CTNNA3: variants seen among roughly 807,000 people sequenced by gnomAD.
The protein encoded by CTNNA3 is catenin alpha-3.
CTNNA3 carries 76 observed loss-of-function variants against 95.7 expected under a neutral mutation model. That is an observed-to-expected ratio of 0.79 (90% CI 0.66 to 0.96). CTNNA3 has a LOEUF of 0.96. Among genes scored for constraint, CTNNA3 ranks in the 40% least tolerant of loss-of-function variants. The pLI is 0.00. For synonymous variants in CTNNA3, 431 were observed against 374.4 expected, an observed-to-expected ratio of 1.15 and a Z score of -1.74; for missense variants, 1,191 against 1,089.8, an observed-to-expected ratio of 1.09 and a Z score of -1.31.
At chr10:66,155,631 G>C (rs1197276612) in intron 13 of CTNNA3, among the ~76,000 whole-genome samples, 1 of 151,636 alleles carries the variant, frequency 6.6e-6, no homozygotes, top group Non-Finnish European at 1.5e-5. Flanking sequence ...CATTGCACTA[G>C]GTCAAGTGGA....
intron 13 of CTNNA3, among the ~76,000 whole-genome samples, chr10:66,148,404 T>A (rs1404968088): frequency 3.9e-5 from 6 of 152,022 alleles, no homozygotes. Context: ...CGAAAATTCA[T>A]GTTGAAATCT....
At position 66,589,512 on chromosome 10, in the gene CTNNA3, C is replaced by G. The variant is rs2132224373; in HGVS notation, c.1374+32180G>C. On this transcript the variant is annotated intron_variant, in intron 10 of 17. Transcript: ENST00000433211. ...ACTATAAACACCCATGGTTGTTCCT[C>G]TACATATCATTGTGCATCAACATCA... 1.3e-5 allele frequency among the ~76,000 whole-genome samples: 2 copies of G among 152,212 alleles called. 1 individual carries two copies. Among genetic ancestry groups the G allele is most frequent in the South Asian group, 4.1e-4 (2 of 4,824 alleles).
At chr10:66,978,631 T>G (rs1454052659) in intron 7 of CTNNA3, among the ~76,000 whole-genome samples, 1 of 146,782 alleles carries the variant, frequency 6.8e-6, no homozygotes, top group Non-Finnish European at 1.5e-5. Flanking sequence ...CTTACCACAG[T>G]TTTTAAAAAG....
chr10:66,566,669 T>G (rs1333857345), intron 10 of CTNNA3, among the ~76,000 whole-genome samples: 1 of 152,032 alleles, frequency 6.6e-6, no homozygotes, highest in Non-Finnish European at 1.5e-5. Flanking sequence ...CTTGTCCTCT[T>G]CATGCTCCAA....
intron 13 of CTNNA3, among the ~76,000 whole-genome samples, chr10:66,161,524 G>T (rs1037523542): frequency 6.6e-6 from 1 of 152,144 alleles, no homozygotes; most frequent in Admixed American, 6.6e-5. Flanking sequence ...TGAAGATAGG[G>T]CCCCAATCCT....
At chr10:66,669,490 C>T (rs895488605) in intron 9 of CTNNA3, among the ~76,000 whole-genome samples, 4 of 150,268 alleles carry the variant, frequency 2.7e-5, no homozygotes, top group African/African-American at 7.4e-5. Context: ...TGCAGTGAGC[C>T]GAGATCACAC....
At chr10:66,707,443 C>T (rs1041540742) in intron 9 of CTNNA3, among the ~76,000 whole-genome samples, 8 of 151,824 alleles carry the variant, frequency 5.3e-5, no homozygotes, top group African/African-American at 1.9e-4. Context: ...TCTTTGAGGG[C>T]AGGGCTCCCT....
At chr10:66,237,032 G>C (rs946371642) in intron 13 of CTNNA3, among the ~76,000 whole-genome samples, 2 of 152,096 alleles carry the variant, frequency 1.3e-5, no homozygotes, top group African/African-American at 4.8e-5. Context: ...AGGAAGCTAA[G>C]GCAAGAGGAT....
In CTNNA3 at chr10:66,346,266, GAGAGAGAGAGAGAGAGAGAGAA is replaced by G. The variant is rs1434227797; in HGVS notation, c.1732+32864_1732+32885del. Among the ~76,000 whole-genome samples the G allele has an allele frequency of 1.0e-3, 124 of 119,040 alleles. 1 individual carries two copies. Among genetic ancestry groups the G allele is most frequent in the Middle Eastern group, 4.7e-3 (1 of 212 alleles). 78.1% of individuals were successfully genotyped at this position (119,040 alleles called of 152,430 possible). ...ATATATAGAGAGAGAGAGAGAGAGA[GAGAGAGAGAGAGAGAGAGAGAA>G]AGAGAGACAGAGACAGAGTCTTGCC... On this transcript the variant is annotated intron_variant, in intron 12 of 17. Coordinates refer to ENST00000433211, the MANE Select transcript of CTNNA3 (RefSeq NM_013266.4).
intron 15 of CTNNA3, among the ~76,000 whole-genome samples, chr10:66,067,587 T>A (rs1438468058): frequency 6.6e-6 from 1 of 152,190 alleles, no homozygotes; most frequent in African/African-American, 2.4e-5. Context: ...TGAGTTGATT[T>A]TTCAGTAAAC....
intron 1 of CTNNA3, among the ~76,000 whole-genome samples, chr10:67,756,566 G>A (rs1841434264): frequency 6.6e-6 from 1 of 152,060 alleles, no homozygotes; most frequent in Admixed American, 6.6e-5. Context: ...TTGCAAATGT[G>A]CTAAGAAAAA....
intron 17 of CTNNA3, among the ~76,000 whole-genome samples, chr10:65,955,200 G>GT (rs2077703527): frequency 6.6e-6 from 1 of 152,118 alleles, no homozygotes; most frequent in Admixed American, 6.6e-5. Flanking sequence ...TCTGTTATTG[G>GT]CGTATAGGAA....
chr10:67,015,798 C>A (rs1234442125), intron 7 of CTNNA3, among the ~76,000 whole-genome samples: 1 of 151,894 alleles, frequency 6.6e-6, no homozygotes, highest in East Asian at 1.9e-4. Context: ...TCTCTCTTTT[C>A]CCTGTCTTCC....
chr10:66,416,365 GAA>G (rs1216885540), intron 11 of CTNNA3, among the ~76,000 whole-genome samples: 1 of 151,880 alleles, frequency 6.6e-6, no homozygotes, highest in Non-Finnish European at 1.5e-5. Context: ...GGCAAAGAGA[GAA>G]AGAGTTTAAA....
At chr10:67,396,612 T>G (rs1033198159) in intron 5 of CTNNA3, among the ~76,000 whole-genome samples, 2 of 152,162 alleles carry the variant, frequency 1.3e-5, no homozygotes, top group African/African-American at 4.8e-5. Flanking sequence ...TTAACAAACA[T>G]TTTGTATGTT....
At chr10:67,334,699 C>T (rs1419139257) in intron 5 of CTNNA3, 1 of 152,810 alleles carries the variant, frequency 6.5e-6, no homozygotes, top group Non-Finnish European at 1.5e-5. Context: ...CTGTGGCCTT[C>T]ACACATGTTA....
intron 7 of CTNNA3, among the ~76,000 whole-genome samples, chr10:66,990,804 T>C (rs1850998784): frequency 6.6e-6 from 1 of 152,190 alleles, no homozygotes; most frequent in East Asian, 1.9e-4. Flanking sequence ...AATCTGTCCT[T>C]TACCAATACA....
At chr10:67,677,118 CA>C (rs1296287543) in intron 1 of CTNNA3, among the ~76,000 whole-genome samples, 2 of 152,120 alleles carry the variant, frequency 1.3e-5, no homozygotes, top group African/African-American at 4.8e-5. Flanking sequence ...ACCAGCCCTG[CA>C]GCTGAAACAA....
At chr10:66,261,939 C>G (rs1164072231) in intron 13 of CTNNA3, among the ~76,000 whole-genome samples, 1 of 152,024 alleles carries the variant, frequency 6.6e-6, no homozygotes, top group Admixed American at 6.6e-5. Flanking sequence ...CAGCCCCAAA[C>G]TACCTGGGGA....
Sources: allele counts gnomAD v4.1 joint callset (sites outside exome capture counted in the v4.1 genomes callset), GRCh38; gene constraint gnomAD v4.1.1; transcripts MANE v1.5; gene names NCBI Gene and HGNC (gene_info 2026-07-23, HGNC 2026-07-21).